NRXN3: variants seen among roughly 807,000 people sequenced by gnomAD.
NRXN3 encodes neurexin III.
In NRXN3, 32 loss-of-function variants were observed where a neutral mutation model predicts 137.6. The observed-to-expected ratio is 0.23, with a 90% CI of 0.18 to 0.31. The LOEUF (loss-of-function observed/expected upper bound fraction) is 0.31. Among genes scored for constraint, NRXN3 ranks in the 10% least tolerant of loss-of-function variants. The pLI, the probability that NRXN3 is intolerant of heterozygous loss-of-function variation, is 1.00. For missense variants in NRXN3, 1,574 were observed against 2,062.5 expected (o/e 0.76, Z 4.59); for synonymous variants, 798 against 784.5 (o/e 1.02, Z -0.29).
At chr14:78,334,104 A>G (rs1205992951) in intron 4 of NRXN3, among the ~76,000 whole-genome samples, 43 of 152,156 alleles carry the variant, frequency 2.8e-4, no homozygotes, top group Admixed American at 2.8e-3. Flanking sequence ...CAAGATGGGG[A>G]AGACTGGAGG....
At chr14:78,209,495 A>G (rs1159982221) in intron 1 of NRXN3, among the ~76,000 whole-genome samples, 2 of 152,230 alleles carry the variant, frequency 1.3e-5, no homozygotes, top group Non-Finnish European at 2.9e-5. Context: ...ATTGACTTAC[A>G]GTTCGGCATG....
At chr14:79,837,429 T>C (rs2099346394) in intron 20 of NRXN3, among the ~76,000 whole-genome samples, 1 of 152,184 alleles carries the variant, frequency 6.6e-6, no homozygotes, top group Non-Finnish European at 1.5e-5. Flanking sequence ...TTGTATCTTC[T>C]CTAGCAAGTT....
At chr14:79,395,310 C>A (rs180781740) in intron 15 of NRXN3, among the ~76,000 whole-genome samples, 2 of 152,208 alleles carry the variant, frequency 1.3e-5, no homozygotes, top group Admixed American at 1.3e-4. Context: ...GAGCCATGAG[C>A]CAAAATATTT....
At chr14:79,515,128 C>G (rs1419863264) in intron 16 of NRXN3, among the ~76,000 whole-genome samples, 1 of 150,406 alleles carries the variant, frequency 6.6e-6, no homozygotes, top group African/African-American at 2.5e-5. Flanking sequence ...GGGAGGGCTC[C>G]CTGAGAAGCA....
intron 6 of NRXN3, among the ~76,000 whole-genome samples, chr14:78,682,560 G>A (rs2098086783): frequency 6.6e-6 from 1 of 152,060 alleles, no homozygotes; most frequent in African/African-American, 2.4e-5. Context: ...TCAGGGCATT[G>A]ATTTTAGCTA....
chr14:78,182,093 G>A (rs1351157758), intron 1 of NRXN3, among the ~76,000 whole-genome samples: 1 of 134,640 alleles, frequency 7.4e-6, no homozygotes, highest in Non-Finnish European at 1.6e-5. Context: ...GAATTAGAGA[G>A]ACCTAATTTA....
intron 15 of NRXN3, among the ~76,000 whole-genome samples, chr14:79,069,746 A>T (rs1016635816): frequency 6.6e-6 from 1 of 152,108 alleles, no homozygotes; most frequent in Non-Finnish European, 1.5e-5. Context: ...ATCATTACAA[A>T]AATTTTTATC....
At chr14:78,780,710 T>G (rs1444979940) in intron 8 of NRXN3, among the ~76,000 whole-genome samples, 1 of 152,176 alleles carries the variant, frequency 6.6e-6, no homozygotes, top group African/African-American at 2.4e-5. Flanking sequence ...AAAGCATGTA[T>G]AGCCACACTA....
intron 4 of NRXN3, among the ~76,000 whole-genome samples, chr14:78,428,141 G>A (rs2093731844): frequency 6.6e-6 from 1 of 152,184 alleles, no homozygotes; most frequent in Non-Finnish European, 1.5e-5. Flanking sequence ...CACAAACATA[G>A]CACCTGCCAT....
intron 15 of NRXN3, among the ~76,000 whole-genome samples, chr14:79,055,696 A>G (rs1399466460): frequency 6.6e-6 from 1 of 152,226 alleles, no homozygotes; most frequent in Non-Finnish European, 1.5e-5. Flanking sequence ...AATAAATGGA[A>G]GGATCATCAT....
chr14:79,504,641 T>A (rs2043586), intron 16 of NRXN3, among the ~76,000 whole-genome samples: 25,883 of 91,694 alleles, frequency 0.28, 4,078 homozygotes, highest in African/African-American at 0.45. Flanking sequence ...ATGAAGTTTT[T>A]TATATATATA....
At chr14:78,812,479 C>A (rs2098917081) in intron 10 of NRXN3, among the ~76,000 whole-genome samples, 1 of 152,136 alleles carries the variant, frequency 6.6e-6, no homozygotes, top group African/African-American at 2.4e-5. Context: ...GGAACTGAGG[C>A]AGTTATTTAA....
At chr14:78,510,226 A>G (rs1273754112) in intron 4 of NRXN3, among the ~76,000 whole-genome samples, 2 of 151,552 alleles carry the variant, frequency 1.3e-5, no homozygotes, top group Non-Finnish European at 2.9e-5. Flanking sequence ...TGAATTTACT[A>G]TAAAAATAAA....
At chr14:79,299,477 C>A (rs895169763) in intron 15 of NRXN3, among the ~76,000 whole-genome samples, 13 of 152,188 alleles carry the variant, frequency 8.5e-5, no homozygotes, top group African/African-American at 2.9e-4. Flanking sequence ...AGACAATATG[C>A]AAACAAATGA....
chr14:79,466,562 TG>T (rs1480103523), intron 15 of NRXN3, among the ~76,000 whole-genome samples: 1 of 152,124 alleles, frequency 6.6e-6, no homozygotes, highest in Non-Finnish European at 1.5e-5. Context: ...CACTCCAGCC[TG>T]GGCAACAGAG....
chr14:78,551,559 T>TCCCTGCCCTTTTCTATCCTCCTCC (rs2096689716), intron 4 of NRXN3, among the ~76,000 whole-genome samples: 1 of 151,418 alleles, frequency 6.6e-6, no homozygotes, highest in Non-Finnish European at 1.5e-5. Flanking sequence ...TCACCTCCTC[T>TCCCTGCCCTTTTCTATCCTCCTCC]CCCTGCCCTT....
chr14:79,223,702 A>T (rs2070268166), intron 15 of NRXN3, among the ~76,000 whole-genome samples: 2 of 152,122 alleles, frequency 1.3e-5, no homozygotes, highest in Non-Finnish European at 2.9e-5. Context: ...CAATAACCAA[A>T]TCTATGGTTT....
At chr14:79,255,163 A>G (rs1463756807) in intron 15 of NRXN3, among the ~76,000 whole-genome samples, 1 of 152,084 alleles carries the variant, frequency 6.6e-6, no homozygotes, top group Non-Finnish European at 1.5e-5. Context: ...GTCCTCCTAA[A>G]CTCATTGCAC....
intron 8 of NRXN3, chr14:78,744,608 A>G (rs2098598670): frequency 6.6e-6 from 1 of 152,110 alleles, no homozygotes; most frequent in Non-Finnish European, 1.5e-5. Flanking sequence ...AGGCTTGAGG[A>G]GGTTGTGACT....
Sources: gnomAD v4.1 joint callset for allele counts (sites outside exome capture counted in the v4.1 genomes callset) on GRCh38, gnomAD v4.1.1 for gene constraint, MANE v1.5 for transcripts, NCBI Gene and HGNC (gene_info 2026-07-23, HGNC 2026-07-21) for gene names.